HELZ: variants seen among roughly 807,000 people sequenced by gnomAD.
HELZ encodes ATP-dependent RNA helicase with zinc finger domain.
In HELZ, 23 loss-of-function variants were observed where a neutral mutation model predicts 218.2. The observed-to-expected ratio is 0.11, with a 90% CI of 0.08 to 0.15. The LOEUF is 0.15. Among genes scored for constraint, HELZ ranks in the 10% least tolerant of loss-of-function variants. The probability of loss-of-function intolerance (pLI) is 1.00; values close to 1 mark genes in which losing one functional copy is unlikely to be tolerated. For synonymous variants in HELZ, 814 were observed against 829.4 expected, an observed-to-expected ratio of 0.98 and a Z score of 0.32; for missense variants, 1,813 against 2,353.7, an observed-to-expected ratio of 0.77 and a Z score of 4.75.
intron 3 of HELZ, chr17:67,224,737 G>A (rs537257390): frequency 2.0e-5 from 22 of 1,086,986 alleles, no homozygotes; most frequent in Non-Finnish European, 2.9e-5. Context: ...CATGGTGAAC[G>A]TTGCTAAAAC....
At chr17:67,166,724 A>C (rs915318704) in intron 14 of HELZ, 116 bp from the exon 15 acceptor site, 9 of 799,966 alleles carry the variant, frequency 1.1e-5, no homozygotes, top group Non-Finnish European at 1.8e-5. Context: ...AGATTCTTTT[A>C]AAGTATAATC....
rs201230497 is a variant in HELZ, at chr17:67,108,629, G to A, written c.4587C>T (p.Ser1529=). 1.2e-3 allele frequency: 1,996 copies of A among 1,613,992 alleles called. 5 individuals are homozygous for A. Among genetic ancestry groups the A allele is most frequent in the Non-Finnish European group, 1.2e-3 (1,437 of 1,179,916 alleles). Residue 1529 remains serine, a synonymous_variant, in exon 30 of 33, where the codon AGC becomes AGT. Transcript: ENST00000358691. The surrounding 1 kb of genome is among the most constrained non-coding windows in gnomAD (Gnocchi z 4.1). ...SEHHAFLSQG[S]APYPHHHHPH... is the part of the protein sequence containing the mutation. ...GATGGTGATGGTGTGGGTATGGAGC[G>A]CTGCCCTGACTGAGAAAGGCATGAT... is the stretch of plus-strand genomic sequence containing the variant.
In HELZ at chr17:67,138,041, C is replaced by T; in HGVS notation, c.2843G>A (p.Gly948Asp). ...ATATGGAGTCACCACACCAATACTGCCATCATCTAACTTCCCCCACGCTAC... is the reference window on the plus strand; with the variant it reads ...ATATGGAGTCACCACACCAATACTGTCATCATCTAACTTCCCCCACGCTAC... ...WPVAWGKLDD[G>D]SIGVVTPYAD... The change falls in exon 22 of 33, where the codon GGC (glycine) becomes GAC (aspartate). Residue 948 changes from glycine (G) to aspartate (D), a missense_variant. Coordinates refer to ENST00000358691, the MANE Select transcript of HELZ (RefSeq NM_014877.4). 6.2e-7 allele frequency: 1 copy of T among 1,613,800 alleles called. No individual in the cohort carries two copies. Among genetic ancestry groups the T allele is most frequent in the African/African-American group, 1.3e-5 (1 of 75,014 alleles).
chr17:67,185,058 G>A (rs1267934927), intron 12 of HELZ, among the ~76,000 whole-genome samples: 1 of 152,124 alleles, frequency 6.6e-6, no homozygotes, highest in Non-Finnish European at 1.5e-5. Context: ...AAGATCCAAT[G>A]ATGAACTGGC....
At position 67,167,802 on chromosome 17, in the gene HELZ, C is replaced by T. The variant is rs1377208056; in HGVS notation, c.1431-6G>A. 3 of 1,564,852 alleles carry T rather than the reference C, an allele frequency of 1.9e-6. No homozygotes were observed. Among genetic ancestry groups the T allele is most frequent in the Non-Finnish European group, 2.6e-6 (3 of 1,149,990 alleles). ...ATTGCACTTTAAGGTTGAACCTAAA[C>T]CAGAAGTAGAAAACTAGTTTGAATA... On this transcript the variant is annotated splice_region_variant and splice_polypyrimidine_tract_variant and intron_variant, in intron 13 of 32. Coordinates refer to ENST00000358691, the MANE Select transcript of HELZ (RefSeq NM_014877.4).
At chr17:67,086,631 A>AATAAATATAT (rs1555594209) in intron 32 of HELZ, among the ~76,000 whole-genome samples, 198 bp downstream of exon 32, 3 of 93,318 alleles carry the variant, frequency 3.2e-5, no homozygotes, top group East Asian at 2.4e-4. Context: ...TATAAATATA[A>AATAAATATAT]ATATATATAT....
At chr17:67,183,066 T>C (rs2144252493) in intron 12 of HELZ, among the ~76,000 whole-genome samples, 1 of 152,298 alleles carries the variant, frequency 6.6e-6, no homozygotes, top group Admixed American at 6.5e-5. Context: ...ACTTAGAGAA[T>C]GAGATGAAAT....
intron 5 of HELZ, 150 bp downstream of exon 5, chr17:67,215,749 G>T: frequency 1.5e-6 from 1 of 671,856 alleles, no homozygotes; most frequent in Non-Finnish European, 2.7e-6. Flanking sequence ...GCCCAGCTCA[G>T]TGGGAATGTC....
At chr17:67,085,093 C>T (rs1028537692) in intron 32 of HELZ, among the ~76,000 whole-genome samples, 1 of 151,680 alleles carries the variant, frequency 6.6e-6, no homozygotes, top group African/African-American at 2.4e-5. Flanking sequence ...GGTGACAGAG[C>T]GAGACTCTGT....
chr17:67,142,127 A>C (rs561117650), intron 21 of HELZ, among the ~76,000 whole-genome samples: 1 of 152,270 alleles, frequency 6.6e-6, no homozygotes, highest in Middle Eastern at 3.4e-3. Flanking sequence ...GCAATAAAGA[A>C]GACACAGGAG....
chr17:67,202,746 A>G (rs2040200108), intron 6 of HELZ, among the ~76,000 whole-genome samples: 1 of 152,236 alleles, frequency 6.6e-6, no homozygotes, highest in African/African-American at 2.4e-5. Flanking sequence ...TTCAAAGAAA[A>G]TCACTTAGTT....
chr17:67,193,046 T>C (rs1489799606), intron 9 of HELZ, among the ~76,000 whole-genome samples: 2 of 152,106 alleles, frequency 1.3e-5, no homozygotes, highest in African/African-American at 4.8e-5. Context: ...AAATTTCACA[T>C]TAACAAATGG....
At chr17:67,085,159 C>T (rs536966212) in intron 32 of HELZ, among the ~76,000 whole-genome samples, 50 of 152,184 alleles carry the variant, frequency 3.3e-4, no homozygotes, top group African/African-American at 1.2e-3. Flanking sequence ...TGGCTCATGC[C>T]TGTAATCCCA....
intron 3 of HELZ, among the ~76,000 whole-genome samples, chr17:67,230,552 G>A (rs372030391): frequency 3.4e-5 from 5 of 145,408 alleles, no homozygotes; most frequent in East Asian, 2.0e-4. Context: ...AGCTAAGATC[G>A]CGGCATTGTA....
intron 15 of HELZ, among the ~76,000 whole-genome samples, chr17:67,166,229 T>C (rs2039139366): frequency 6.6e-6 from 1 of 152,220 alleles, no homozygotes; most frequent in Non-Finnish European, 1.5e-5. Flanking sequence ...GAAATATTCC[T>C]AAATTGCTTG....
chr17:67,131,921 T>TA (rs1284753339), intron 23 of HELZ, among the ~76,000 whole-genome samples: 5 of 152,198 alleles, frequency 3.3e-5, no homozygotes, highest in Non-Finnish European at 7.3e-5. Context: ...TGAATACAGA[T>TA]AATTGACAGA....
At chr17:67,113,581 T>A (rs1010862514) in intron 28 of HELZ, among the ~76,000 whole-genome samples, 1 of 152,172 alleles carries the variant, frequency 6.6e-6, no homozygotes, top group Non-Finnish European at 1.5e-5. Context: ...ACGGGAACTC[T>A]TCCTCTGAGA....
At chr17:67,239,521 C>T (rs1208360716) in intron 2 of HELZ, 32 bp from the exon 3 acceptor site, 1 of 152,154 alleles carries the variant, frequency 6.6e-6, no homozygotes, top group Non-Finnish European at 1.5e-5. Context: ...TTTTTTAATA[C>T]ATAGTAGAAA....
intron 24 of HELZ, chr17:67,128,436 T>G (rs1052644844): frequency 1.8e-6 from 1 of 563,924 alleles, no homozygotes; most frequent in Admixed American, 3.0e-5. Context: ...TATTAAAAAT[T>G]GTTTGAGAAT....
Sources: allele counts gnomAD v4.1 joint callset (sites outside exome capture counted in the v4.1 genomes callset), GRCh38; gene constraint gnomAD v4.1.1; non-coding constraint Gnocchi (gnomAD v3.1); transcripts MANE v1.5; gene names NCBI Gene and HGNC (gene_info 2026-07-23, HGNC 2026-07-21).